Variants in SLC14A2 observed in about 807,000 individuals in gnomAD.
SLC14A2 encodes urea transporter 2.
A neutral mutation model predicts 104.6 loss-of-function variants in SLC14A2; 91 were observed. The observed-to-expected ratio is 0.87, with a 90% CI of 0.73 to 1.04. SLC14A2 has a LOEUF of 1.04. SLC14A2 is among the 50% of genes least tolerant of loss of function. SLC14A2 has a pLI of 0.00. For synonymous variants in SLC14A2, 476 were observed against 466.4 expected (o/e 1.02, Z -0.27); for missense variants, 1,189 against 1,156.0 (o/e 1.03, Z -0.41).
intron 2 of SLC14A2, among the ~76,000 whole-genome samples, chr18:45,524,624 A>G (rs1029081606): frequency 3.0e-4 from 45 of 152,312 alleles, no homozygotes; most frequent in Middle Eastern, 3.4e-3. Flanking sequence ...ACACATACAC[A>G]TGAAACTTTG....
chr18:45,414,757 A>AAATATATATATATATATATAT (rs1360051908), intron 1 of SLC14A2, among the ~76,000 whole-genome samples: 3 of 76,112 alleles, frequency 3.9e-5, no homozygotes, highest in Admixed American at 1.7e-4. Context: ...AAAAAAAAAA[A>AAATATATATATATATATATAT]ATATATATAT....
intron 1 of SLC14A2, among the ~76,000 whole-genome samples, chr18:45,428,883 G>T (rs2086473263): frequency 6.6e-6 from 1 of 152,162 alleles, no homozygotes; most frequent in African/African-American, 2.4e-5. Flanking sequence ...CCCCACTATT[G>T]GTTCTAGATT....
At chr18:45,503,668 A>G (rs905334900) in intron 2 of SLC14A2, among the ~76,000 whole-genome samples, 1 of 152,216 alleles carries the variant, frequency 6.6e-6, no homozygotes, top group Non-Finnish European at 1.5e-5. Flanking sequence ...TTAAAATGCT[A>G]AATTACAGAG....
chr18:45,551,092 T>C (rs1598994062), intron 2 of SLC14A2, among the ~76,000 whole-genome samples: 1 of 152,196 alleles, frequency 6.6e-6, no homozygotes, highest in African/African-American at 2.4e-5. Flanking sequence ...TTAATCAATA[T>C]GGCTTAGAAC....
chr18:45,340,329 G>T (rs571543059), intron 1 of SLC14A2, among the ~76,000 whole-genome samples: 5 of 152,304 alleles, frequency 3.3e-5, no homozygotes, highest in African/African-American at 1.2e-4. Context: ...CTGATGGAGG[G>T]CTTTTCTCTA....
intron 2 of SLC14A2, among the ~76,000 whole-genome samples, chr18:45,503,765 A>G (rs1413987361): frequency 2.1e-5 from 3 of 141,544 alleles, no homozygotes; most frequent in Admixed American, 7.1e-5. Flanking sequence ...AATCTCTCCA[A>G]TACCTCACCT....
chr18:45,413,715 T>C (rs1027669356), intron 1 of SLC14A2, among the ~76,000 whole-genome samples: 8 of 152,206 alleles, frequency 5.3e-5, no homozygotes, highest in African/African-American at 1.9e-4. Context: ...TGCTGAGCCA[T>C]GGTAGTTAAT....
At chr18:45,300,614 T>C (rs1011925321) in intron 1 of SLC14A2, among the ~76,000 whole-genome samples, 2 of 152,224 alleles carry the variant, frequency 1.3e-5, no homozygotes, top group Non-Finnish European at 2.9e-5. Flanking sequence ...AAGCACTTTT[T>C]TTTCCATAAA....
intron 2 of SLC14A2, among the ~76,000 whole-genome samples, chr18:45,539,199 A>AGGTGG (rs2043847257): frequency 1.6e-4 from 1 of 6,252 alleles, no homozygotes; most frequent in African/African-American, 5.5e-4. Context: ...GGGAATCTTC[A>AGGTGG]GACAGAGCAT....
chr18:45,551,459 C>T (rs950562963), intron 2 of SLC14A2, among the ~76,000 whole-genome samples: 1 of 152,254 alleles, frequency 6.6e-6, no homozygotes, highest in Non-Finnish European at 1.5e-5. Flanking sequence ...ACAGCTACCG[C>T]TGTTGGGACA....
At chr18:45,507,137 A>G (rs1486162431) in intron 2 of SLC14A2, 1 of 152,326 alleles carries the variant, frequency 6.6e-6, no homozygotes, top group African/African-American at 2.4e-5. Context: ...TGATGACATC[A>G]TAACCCCGGG....
rs201995847 is a variant in SLC14A2, at chr18:45,644,135, C to T, written c.1326C>T (p.Ser442=). The T allele has an allele frequency of 2.7e-5, 44 of 1,614,180 alleles. No individual in the cohort carries two copies. Among genetic ancestry groups the T allele is most frequent in the Admixed American group, 1.5e-4 (9 of 60,026 alleles). The change falls in exon 10 of 20, where the codon AGC becomes AGT. Residue 442 remains serine, a synonymous_variant. Coordinates refer to ENST00000255226, the MANE Select transcript of SLC14A2 (RefSeq NM_007163.4). Reference sequence around the variant, plus strand: ...GCATCTACTACCTGACAGTGAAAAGCGGTGAAGAAGAGAAGGCCCCCAGCG... The same window carrying T: ...GCATCTACTACCTGACAGTGAAAAGTGGTGAAGAAGAGAAGGCCCCCAGCG... ...ANRIYYLTVK[S]GEEEKAPSGG... is the part of the protein sequence containing the mutation.
intron 2 of SLC14A2, among the ~76,000 whole-genome samples, chr18:45,544,781 A>T (rs1278884372): frequency 1.3e-5 from 2 of 148,150 alleles, no homozygotes; most frequent in Non-Finnish European, 3.0e-5. Context: ...ATTTATCAAT[A>T]ATGTCTTTTT....
At chr18:45,210,113 A>AT (rs554016543), upstream of SLC14A2, among the ~76,000 whole-genome samples, 245 of 152,296 alleles carry the variant, frequency 1.6e-3, 7 homozygotes, top group East Asian at 0.039. Flanking sequence ...CCAGGGAAGG[A>AT]TGCTAGGCTT....
At chr18:45,228,280 GTTC>G (rs2084139464) in intron 1 of SLC14A2, among the ~76,000 whole-genome samples, 1 of 152,222 alleles carries the variant, frequency 6.6e-6, no homozygotes, top group South Asian at 2.1e-4. Context: ...TGTGACAGTG[GTTC>G]TAGAAGAGAA....
At chr18:45,446,516 G>A (rs1428922763) in intron 1 of SLC14A2, among the ~76,000 whole-genome samples, 1 of 152,214 alleles carries the variant, frequency 6.6e-6, no homozygotes, top group Non-Finnish European at 1.5e-5. Context: ...AGAACTGTGA[G>A]AGAAACTGTC....
At chr18:45,582,939 TAC>T (rs1203076960) in intron 2 of SLC14A2, among the ~76,000 whole-genome samples, 1 of 152,150 alleles carries the variant, frequency 6.6e-6, no homozygotes. Flanking sequence ...TGTCTCCAGG[TAC>T]AGTCTGATCT....
At chr18:45,352,172 C>T (rs566036549) in intron 1 of SLC14A2, among the ~76,000 whole-genome samples, 3 of 152,194 alleles carry the variant, frequency 2.0e-5, no homozygotes, top group Non-Finnish European at 2.9e-5. Context: ...TTCATGAGGT[C>T]TTCAGTCACC....
intron 10 of SLC14A2, among the ~76,000 whole-genome samples, chr18:45,649,987 A>G (rs888465934): frequency 2.0e-5 from 3 of 152,212 alleles, no homozygotes; most frequent in Admixed American, 2.0e-4. Flanking sequence ...TCTTCAGCTT[A>G]GCAACTTTTC....
Sources: allele counts gnomAD v4.1 joint callset (sites outside exome capture counted in the v4.1 genomes callset), GRCh38; gene constraint gnomAD v4.1.1; transcripts MANE v1.5; gene names NCBI Gene and HGNC (gene_info 2026-07-23, HGNC 2026-07-21).